The following PIK3C2G variants were observed in gnomAD, a reference collection of about 807,000 sequenced individuals.
The protein encoded by PIK3C2G is phosphatidylinositol-4-phosphate 3-kinase catalytic subunit type 2 gamma.
PIK3C2G carries 168 observed loss-of-function variants against 181.1 expected under a neutral mutation model. That is an observed-to-expected ratio of 0.93 (90% confidence interval 0.82 to 1.05). The LOEUF (loss-of-function observed/expected upper bound fraction) is 1.05, where lower values mean the gene tolerates loss of function less well. PIK3C2G is among the 50% of genes least tolerant of loss of function. PIK3C2G has a pLI of 0.00. For synonymous variants in PIK3C2G, 573 were observed against 592.2 expected (o/e 0.97, Z 0.47); for missense variants, 1,869 against 1,732.8 (o/e 1.08, Z -1.40).
chr12:18,511,934 G>C (rs1287293571), intron 24 of PIK3C2G, among the ~76,000 whole-genome samples: 1 of 151,994 alleles, frequency 6.6e-6, no homozygotes, highest in African/African-American at 2.4e-5. Context: ...TCTTCTAGCA[G>C]TTTTATAGTT....
At chr12:18,678,922 T>C in the PIK3C2G span, among the ~76,000 whole-genome samples, 529 of 152,156 alleles carry the variant, frequency 3.5e-3, no homozygotes, top group African/African-American at 0.012. Context: ...GGTCAAACTG[T>C]TTTCACAGTG....
chr12:18,629,674 A>T (rs1161867561), intron 31 of PIK3C2G, among the ~76,000 whole-genome samples: 1 of 152,130 alleles, frequency 6.6e-6, no homozygotes, highest in Non-Finnish European at 1.5e-5. Context: ...TTAGAAGTGG[A>T]GCATTGAGAC....
At chr12:18,531,496 G>C (rs1476702346) in intron 24 of PIK3C2G, among the ~76,000 whole-genome samples, 2 of 152,018 alleles carry the variant, frequency 1.3e-5, no homozygotes, top group African/African-American at 4.8e-5. Context: ...AGATTCTTCA[G>C]GTTGCCCTTT....
At chr12:18,504,281 T>C (rs1565457297) in intron 23 of PIK3C2G, among the ~76,000 whole-genome samples, 1 of 152,146 alleles carries the variant, frequency 6.6e-6, no homozygotes, top group Non-Finnish European at 1.5e-5. Context: ...GGCCAAATAA[T>C]AAATAATTAG....
chr12:18,504,054 C>T (rs947056888), intron 23 of PIK3C2G, among the ~76,000 whole-genome samples: 2 of 152,054 alleles, frequency 1.3e-5, no homozygotes, highest in African/African-American at 2.4e-5. Context: ...GGAAGGAGCA[C>T]CTAAATGCTA....
the PIK3C2G span, chr12:18,696,279 A>C: frequency 8.0e-7 from 1 of 1,256,594 alleles, no homozygotes; most frequent in Non-Finnish European, 1.1e-6. Context: ...GAAAAAGAAT[A>C]ATTAAAACAT....
downstream of PIK3C2G, among the ~76,000 whole-genome samples, chr12:18,651,820 C>T (rs1950533622): frequency 6.6e-6 from 1 of 152,104 alleles, no homozygotes. Flanking sequence ...TGATTGTTCA[C>T]AGACATATGC....
At chr12:18,425,722 A>G (rs1945769622) in intron 18 of PIK3C2G, among the ~76,000 whole-genome samples, 1 of 152,070 alleles carries the variant, frequency 6.6e-6, no homozygotes. Flanking sequence ...TTTTATACTT[A>G]AAAACATAGA....
At position 18,596,256 on chromosome 12, in the gene PIK3C2G, AC is replaced by A. The variant is rs1947354321; in HGVS notation, c.4087+1688del. On this transcript the variant is annotated intron_variant, in intron 30 of 32. Coordinates refer to ENST00000538779, the MANE Select transcript of PIK3C2G (RefSeq NM_001288772.2). ...TTACTTCATGTGTAAATGTTCTGGC[AC>A]AAGAAATTCAGGGTCTCCGAACTGC... 2.0e-5 allele frequency among the ~76,000 whole-genome samples: 3 copies of A among 152,176 alleles called. No homozygotes were observed. The South Asian group carries it at 6.2e-4, about 32-fold the overall frequency.
At chr12:18,449,588 A>C (rs1015448450) in intron 18 of PIK3C2G, among the ~76,000 whole-genome samples, 6 of 152,062 alleles carry the variant, frequency 3.9e-5, no homozygotes, top group African/African-American at 1.4e-4. Context: ...GCTGAGAATG[A>C]TGGTTTCCAG....
chr12:18,468,303 C>T (rs1196076989), intron 18 of PIK3C2G, among the ~76,000 whole-genome samples: 1 of 152,022 alleles, frequency 6.6e-6, no homozygotes, highest in Middle Eastern at 3.2e-3. Flanking sequence ...AGAATCCATT[C>T]CAATGCAGAA....
chr12:18,453,822 T>C (rs1362333171), intron 18 of PIK3C2G, among the ~76,000 whole-genome samples: 1 of 152,204 alleles, frequency 6.6e-6, no homozygotes, highest in African/African-American at 2.4e-5. Context: ...TGAATTTTAA[T>C]TAGTGTTCTG....
chr12:18,643,351 A>G (rs1949933904), intron 32 of PIK3C2G, among the ~76,000 whole-genome samples: 1 of 151,980 alleles, frequency 6.6e-6, no homozygotes, highest in Non-Finnish European at 1.5e-5. Context: ...TTCGAAAGCC[A>G]TGGTCCATGC....
chr12:18,602,042 G>C (rs1849257395), intron 30 of PIK3C2G, among the ~76,000 whole-genome samples: 1 of 152,174 alleles, frequency 6.6e-6, no homozygotes, highest in African/African-American at 2.4e-5. Context: ...CTCCTGGCCA[G>C]AACTCAGGGG....
the PIK3C2G span, among the ~76,000 whole-genome samples, chr12:18,655,244 C>T: frequency 6.6e-6 from 1 of 152,128 alleles, no homozygotes; most frequent in Non-Finnish European, 1.5e-5. Flanking sequence ...GGTAAAGAAC[C>T]TGCTTCCAGT....
chr12:18,395,216 T>A (rs944694067), intron 15 of PIK3C2G, among the ~76,000 whole-genome samples: 1 of 150,308 alleles, frequency 6.7e-6, no homozygotes, highest in Non-Finnish European at 1.5e-5. Context: ...ATAAGATAAA[T>A]TTAAAAATTT....
intron 1 of PIK3C2G, among the ~76,000 whole-genome samples, chr12:18,251,891 T>C (rs1017237639): frequency 2.0e-5 from 3 of 152,088 alleles, no homozygotes; most frequent in Non-Finnish European, 4.4e-5. Context: ...CGTGACACTT[T>C]GTAATATTCA....
intron 18 of PIK3C2G, among the ~76,000 whole-genome samples, chr12:18,465,689 G>T (rs7298132): frequency 0.14 from 21,807 of 151,640 alleles, 1,751 homozygotes; most frequent in African/African-American, 0.21. Context: ...TTTTTGGATA[G>T]TCTTTTCTTC....
chr12:18,360,013 T>C (rs1002890257), intron 11 of PIK3C2G, among the ~76,000 whole-genome samples: 3 of 152,192 alleles, frequency 2.0e-5, no homozygotes, highest in Non-Finnish European at 4.4e-5. Context: ...TTGTCCATTG[T>C]TTTCTGTCTT....
Sources: allele counts gnomAD v4.1 joint callset (sites outside exome capture counted in the v4.1 genomes callset), GRCh38; gene constraint gnomAD v4.1.1; transcripts MANE v1.5; gene names NCBI Gene and HGNC (gene_info 2026-07-23, HGNC 2026-07-21).